Variants in SKI observed in about 807,000 individuals in gnomAD.
The protein encoded by SKI is ski oncogene.
A neutral mutation model predicts 59.3 loss-of-function variants in SKI; 23 were observed. The observed-to-expected ratio is 0.39, with a 90% CI of 0.28 to 0.55. SKI has a LOEUF of 0.55. Among genes scored for constraint, SKI ranks in the 20% least tolerant of loss-of-function variants. SKI has a pLI of 0.67. For missense variants in SKI, 1,017 were observed against 1,038.9 expected (o/e 0.98, Z 0.29); for synonymous variants, 673 against 488.6 (o/e 1.38, Z -4.98).
At chr1:2,295,305 G>A (rs962064965) in intron 1 of SKI, among the ~76,000 whole-genome samples, 15 of 152,234 alleles carry the variant, frequency 9.9e-5, no homozygotes, top group Non-Finnish European at 2.1e-4. Context: ...GGCTCTGAGG[G>A]CCGTGCTGCA....
chr1:2,295,542 C>T (rs1640263752), intron 1 of SKI, among the ~76,000 whole-genome samples: 1 of 152,184 alleles, frequency 6.6e-6, no homozygotes. Context: ...TCCGTCACTC[C>T]CCAGGCCCCA....
chr1:2,305,929 A>G, intron 5 of SKI, 91 bp from the exon 6 acceptor site: 2 of 995,694 alleles, frequency 2.0e-6, no homozygotes, highest in Non-Finnish European at 3.1e-6. Context: ...CAGATAGATG[A>G]CCCCACGGGG....
intron 1 of SKI, among the ~76,000 whole-genome samples, chr1:2,249,412 C>T (rs1297059063): frequency 1.3e-5 from 2 of 152,242 alleles, no homozygotes; most frequent in African/African-American, 4.8e-5. Context: ...CTCAGTTCAG[C>T]CTTCAGTGCC....
intron 1 of SKI, among the ~76,000 whole-genome samples, chr1:2,253,951 G>T (rs542923982): frequency 6.6e-6 from 1 of 152,374 alleles, no homozygotes; most frequent in South Asian, 2.1e-4. Flanking sequence ...GCTGCTGGAA[G>T]AGAAGGCTCT....
Position 2,268,447 on chromosome 1 carries a change from G to A in SKI, c.970-34531G>A, listed in dbSNP as rs561876032. On this transcript the variant is annotated intron_variant, in intron 1 of 6. Coordinates refer to ENST00000378536, the MANE Select transcript of SKI (RefSeq NM_003036.4). The surrounding 1 kb of genome is among the most constrained non-coding windows in gnomAD (Gnocchi z 5.0). ...GGAGGGCCTCTTGTTAAGGGGGCAC[G>A]GTAGTGAGTCAGGTGCCCGGGGGCT... Among the ~76,000 whole-genome samples the A allele has an allele frequency of 1.3e-5, 2 of 152,326 alleles. No individual in the cohort carries two copies. Among genetic ancestry groups the A allele is most frequent in the South Asian group, 2.1e-4 (1 of 4,830 alleles).
chr1:2,276,969 G>T (rs1277379353), intron 1 of SKI, among the ~76,000 whole-genome samples: 1 of 152,162 alleles, frequency 6.6e-6, no homozygotes, highest in Admixed American at 6.5e-5. Context: ...GGGGCATTGG[G>T]GAGATTCCGA....
In SKI at chr1:2,300,245, G is replaced by A. The variant is rs562127855; in HGVS notation, c.970-2733G>A. Among the ~76,000 whole-genome samples the A allele has an allele frequency of 2.0e-5, 3 of 152,380 alleles. No individual in the cohort carries two copies. The East Asian group carries it at 5.8e-4, about 29-fold the overall frequency. On this transcript the variant is annotated intron_variant, in intron 1 of 6. Coordinates refer to ENST00000378536, the MANE Select transcript of SKI (RefSeq NM_003036.4). Reference sequence around the variant, plus strand: ...CGCGGTGTGTCGTCTGGCCTCCGCTGTGTAAGCTGACAGTGGCCTGAAGGG... The same window carrying A: ...CGCGGTGTGTCGTCTGGCCTCCGCTATGTAAGCTGACAGTGGCCTGAAGGG...
At chr1:2,282,993 G>A (rs887210093) in intron 1 of SKI, among the ~76,000 whole-genome samples, 10 of 152,190 alleles carry the variant, frequency 6.6e-5, no homozygotes, top group African/African-American at 1.2e-4. Context: ...GCTGGGAGAC[G>A]GGAGCCAGTC....
chr1:2,280,145 G>A (rs1639839759), intron 1 of SKI, among the ~76,000 whole-genome samples: 1 of 151,952 alleles, frequency 6.6e-6, no homozygotes, highest in Admixed American at 6.6e-5. Flanking sequence ...CGAGGCGGGT[G>A]GCTAATGAGG....
In SKI at chr1:2,283,353, G is replaced by T. The variant is rs549350401; in HGVS notation, c.970-19625G>T. On this transcript the variant is annotated intron_variant, in intron 1 of 6. Coordinates refer to ENST00000378536, the MANE Select transcript of SKI (RefSeq NM_003036.4). Reference sequence around the variant, plus strand: ...AGGGCAAGGACTCAGAGCCTCAGGGGGGGGAGGGCAGGGCCTCCTGAGGAG... The same window carrying T: ...AGGGCAAGGACTCAGAGCCTCAGGGTGGGGAGGGCAGGGCCTCCTGAGGAG... Among the ~76,000 whole-genome samples the T allele has an allele frequency of 6.8e-5, 7 of 103,214 alleles. No individual in the cohort carries two copies. The East Asian group carries it at 8.3e-4, about 12-fold the overall frequency. 67.7% of individuals were successfully genotyped at this position (103,214 alleles called of 152,430 possible).
At chr1:2,257,657 A>G (rs1323796750) in intron 1 of SKI, among the ~76,000 whole-genome samples, 1 of 152,216 alleles carries the variant, frequency 6.6e-6, no homozygotes, top group Non-Finnish European at 1.5e-5. Context: ...TTCTTTCCTC[A>G]TGCTTTTGAA....
At chr1:2,283,963 C>T (rs1258003277) in intron 1 of SKI, among the ~76,000 whole-genome samples, 1 of 152,168 alleles carries the variant, frequency 6.6e-6, no homozygotes. Context: ...TTGTTTCCCT[C>T]CAGAGCTGCT....
At position 2,250,567 on chromosome 1, in the gene SKI, C is replaced by T. The variant is rs185427504; in HGVS notation, c.969+20832C>T. ...GCTGCTGCTGGCACTGGCCTCCTCT[C>T]GCCACGACTGTTTTTGCAACTTTTT... is the stretch of plus-strand genomic sequence containing the variant. On this transcript the variant is annotated intron_variant, in intron 1 of 6. Coordinates refer to ENST00000378536, the MANE Select transcript of SKI (RefSeq NM_003036.4). 1.2e-3 allele frequency among the ~76,000 whole-genome samples: 176 copies of T among 152,362 alleles called. 2 individuals carry two copies. The highest frequency in any genetic ancestry group is 2.2e-3 in the Admixed American group (33 of 15,302).
chr1:2,236,868 A>G (rs1638759434), intron 1 of SKI, among the ~76,000 whole-genome samples: 1 of 152,174 alleles, frequency 6.6e-6, no homozygotes, highest in Non-Finnish European at 1.5e-5. Context: ...GCCTGGACCA[A>G]CTGCGGCTTC....
chr1:2,230,702 C>T (rs1420845704), intron 1 of SKI, among the ~76,000 whole-genome samples: 5 of 152,160 alleles, frequency 3.3e-5, no homozygotes, highest in Non-Finnish European at 5.9e-5. Context: ...GCGTACCTCC[C>T]CAAGTATTTG....
intron 6 of SKI, 23 bp downstream of exon 6, chr1:2,306,273 G>A (rs1176912160): frequency 1.3e-6 from 2 of 1,528,008 alleles, no homozygotes; most frequent in Admixed American, 2.0e-5. Flanking sequence ...GGAGACTGAG[G>A]CACGCAGCAC....
rs753070477 is a variant in SKI at position 2,228,993 on chromosome 1, T to C, written c.227T>C (p.Leu76Pro). The part of the protein sequence containing the change: ...AATEPPPVLH[L>P]PAIQPPPPVL... ...ACCGAGCCGCCGCCCGTGCTGCACC[T>C]GCCCGCCATCCAGCCGCCGCCGCCC... Residue 76 changes from leucine (L) to proline (P), a missense_variant, in exon 1 of 7, where the codon CTG (leucine) becomes CCG (proline). Leu to Pro is a moderately conservative substitution (Grantham distance 98, BLOSUM62 -3). Coordinates refer to ENST00000378536, the MANE Select transcript of SKI (RefSeq NM_003036.4). The C allele has an allele frequency of 3.5e-5, 54 of 1,550,500 alleles. No individual in the cohort carries two copies. The African/African-American group carries it at 6.8e-4, about 20-fold the overall frequency.
intron 1 of SKI, among the ~76,000 whole-genome samples, chr1:2,257,391 C>T (rs114599911): frequency 1.0e-3 from 159 of 152,358 alleles, no homozygotes; most frequent in African/African-American, 3.5e-3. Context: ...TGCAGACGTG[C>T]GGGCCAGCCC....
intron 1 of SKI, among the ~76,000 whole-genome samples, chr1:2,245,564 CT>C: frequency 6.6e-6 from 1 of 152,204 alleles, no homozygotes; most frequent in East Asian, 1.9e-4. Flanking sequence ...CCTCCACCTC[CT>C]CCTGGGCTCA....
Sources: allele counts gnomAD v4.1 joint callset (sites outside exome capture counted in the v4.1 genomes callset), GRCh38; gene constraint gnomAD v4.1.1; non-coding constraint Gnocchi (gnomAD v3.1); transcripts MANE v1.5; gene names NCBI Gene and HGNC (gene_info 2026-07-23, HGNC 2026-07-21).